NUMB: variants seen among roughly 807,000 people sequenced by gnomAD.
The protein encoded by NUMB is NUMB endocytic adaptor protein.
NUMB carries 29 observed loss-of-function variants against 59.7 expected under a neutral mutation model. That is an observed-to-expected ratio of 0.49 (90% confidence interval 0.36 to 0.66). The LOEUF (loss-of-function observed/expected upper bound fraction) is 0.66, where lower values mean the gene tolerates loss of function less well. Ranked by LOEUF, NUMB falls within the 30% of genes least tolerant of loss-of-function variation. The pLI, the probability that NUMB is intolerant of heterozygous loss-of-function variation, is 0.00. For synonymous variants in NUMB, 288 were observed against 288.2 expected (o/e 1.00, Z 0.01); for missense variants, 723 against 822.0 (o/e 0.88, Z 1.47).
At chr14:73,323,257 T>G in intron 4 of NUMB, 53 bp from the exon 5 acceptor site, 4 of 1,206,172 alleles carry the variant, frequency 3.3e-6, no homozygotes, top group African/African-American at 1.5e-5. Flanking sequence ...AAGTAGCTAC[T>G]ATACAGTAAG....
intron 2 of NUMB, among the ~76,000 whole-genome samples, chr14:73,372,582 C>A (rs1366729577): frequency 6.6e-6 from 1 of 150,900 alleles, no homozygotes; most frequent in African/African-American, 2.4e-5. Context: ...TTTATTTCAG[C>A]CTTTTCTCTT....
At chr14:73,379,207 T>C (rs960079405) in intron 2 of NUMB, among the ~76,000 whole-genome samples, 1 of 152,198 alleles carries the variant, frequency 6.6e-6, no homozygotes, top group Non-Finnish European at 1.5e-5. Flanking sequence ...TCAAAAATCA[T>C]TTCTCAAAAA....
intron 5 of NUMB, among the ~76,000 whole-genome samples, chr14:73,320,135 G>GA (rs1891323014): frequency 1.1e-5 from 1 of 91,878 alleles, no homozygotes; most frequent in African/African-American, 3.4e-5. Flanking sequence ...CCGACTCGGC[G>GA]GGGGGGCAAA....
chr14:73,409,623 G>A (rs1896820774), intron 2 of NUMB: 1 of 152,210 alleles, frequency 6.6e-6, no homozygotes, highest in African/African-American at 2.4e-5. Context: ...GTTGTTTTAA[G>A]CCACTAAGTT....
chr14:73,397,407 G>T (rs1243771097), intron 2 of NUMB, among the ~76,000 whole-genome samples: 1 of 152,180 alleles, frequency 6.6e-6, no homozygotes. Flanking sequence ...TCAGCGGGGA[G>T]AAAGAAGCCC....
intron 2 of NUMB, among the ~76,000 whole-genome samples, chr14:73,378,018 CAT>C (rs1375234369): frequency 3.5e-3 from 491 of 141,318 alleles, no homozygotes; most frequent in Admixed American, 5.8e-3. Flanking sequence ...CACACACACA[CAT>C]ACACACACAC....
intron 1 of NUMB, among the ~76,000 whole-genome samples, chr14:73,439,499 GC>G (rs1372978297): frequency 5.3e-5 from 8 of 152,102 alleles, no homozygotes; most frequent in Admixed American, 3.9e-4. Context: ...AGGAAAATAT[GC>G]CATTTCTAAC....
At chr14:73,437,048 T>C (rs1898087217) in intron 1 of NUMB, among the ~76,000 whole-genome samples, 1 of 123,636 alleles carries the variant, frequency 8.1e-6, no homozygotes, top group South Asian at 2.4e-4. Context: ...TCTCTTTTTT[T>C]TTTTTTTTTT....
chr14:73,366,487 C>G (rs1894350926), intron 3 of NUMB, among the ~76,000 whole-genome samples: 1 of 152,112 alleles, frequency 6.6e-6, no homozygotes, highest in Non-Finnish European at 1.5e-5. Flanking sequence ...GTGTGCCAGG[C>G]ATTGTTGTAA....
chr14:73,415,877 G>T (rs1897107824), intron 1 of NUMB, among the ~76,000 whole-genome samples: 1 of 152,022 alleles, frequency 6.6e-6, no homozygotes, highest in Non-Finnish European at 1.5e-5. Context: ...AGCAGGCTAT[G>T]TTTTATAATA....
chr14:73,297,520 T>C (rs1158554025), intron 6 of NUMB: 1 of 351,480 alleles, frequency 2.8e-6, no homozygotes, highest in Non-Finnish European at 5.1e-6. Context: ...AAGATAAAAT[T>C]AAGTAAAAGG....
intron 2 of NUMB, among the ~76,000 whole-genome samples, chr14:73,373,479 G>A (rs1432896641): frequency 6.6e-6 from 1 of 152,104 alleles, no homozygotes; most frequent in Non-Finnish European, 1.5e-5. Flanking sequence ...CACTGTTCTT[G>A]GTGCTTAGGA....
chr14:73,415,614 G>A (rs1442671580), intron 1 of NUMB, among the ~76,000 whole-genome samples: 2 of 151,264 alleles, frequency 1.3e-5, no homozygotes, highest in Non-Finnish European at 2.9e-5. Flanking sequence ...TTACAGGCAT[G>A]AGCCACCACG....
intron 10 of NUMB, among the ~76,000 whole-genome samples, chr14:73,283,160 T>G (rs986722527): frequency 2.6e-5 from 4 of 152,228 alleles, no homozygotes; most frequent in African/African-American, 9.6e-5. Flanking sequence ...GCTAAAGCTC[T>G]GTTTGCTCAT....
At position 73,275,758 on chromosome 14, in the gene NUMB, T is replaced by C. The variant is rs1888109320; in HGVS notation, c.*820A>G. The C allele has an allele frequency of 6.6e-6, 1 of 152,666 alleles. No homozygotes were observed. Among genetic ancestry groups the C allele is most frequent in the Non-Finnish European group, 1.5e-5 (1 of 68,046 alleles). The allele number at this position is 152,666 out of a possible 1,614,324, so 9.5% of individuals were successfully genotyped here. ...ACTGTATTGGTCATAAGCATGATTG[T>C]TGTTGCAATGTGCTACTTACAATGA... On this transcript the variant is annotated 3_prime_UTR_variant, in exon 13 of 13. Coordinates refer to ENST00000555238, the MANE Select transcript of NUMB (RefSeq NM_001005743.2).
chr14:73,305,490 A>G (rs979299577), intron 6 of NUMB, among the ~76,000 whole-genome samples: 7 of 152,022 alleles, frequency 4.6e-5, no homozygotes, highest in Admixed American at 1.3e-4. Flanking sequence ...ATCACCAGTG[A>G]GATAAGAGCA....
At chr14:73,406,093 T>A (rs1896652088) in intron 2 of NUMB, among the ~76,000 whole-genome samples, 1 of 44,066 alleles carries the variant, frequency 2.3e-5, no homozygotes, top group Admixed American at 2.4e-4. Context: ...CATATTTTTG[T>A]TTTTTTTTTT....
chr14:73,353,072 G>GTTGTTTTTTTTTTTT (rs1893522798), intron 4 of NUMB, among the ~76,000 whole-genome samples: 3 of 58,514 alleles, frequency 5.1e-5, no homozygotes, highest in Non-Finnish European at 6.6e-5. Context: ...AGTTTTTCTT[G>GTTGTTTTTTTTTTTT]TTTTTTTTTT....
chr14:73,396,987 G>A (rs149151134), intron 2 of NUMB, among the ~76,000 whole-genome samples: 4,951 of 152,208 alleles, frequency 0.033, 301 homozygotes, highest in African/African-American at 0.11. Context: ...AGCCAGGCAT[G>A]GTGGCGCACA....
Sources: allele counts gnomAD v4.1 joint callset (sites outside exome capture counted in the v4.1 genomes callset), GRCh38; gene constraint gnomAD v4.1.1; transcripts MANE v1.5; gene names NCBI Gene and HGNC (gene_info 2026-07-23, HGNC 2026-07-21).